ABCC1: variants seen among roughly 807,000 people sequenced by gnomAD.
ABCC1 encodes multidrug resistance-associated protein 1.
A neutral mutation model predicts 172.9 loss-of-function variants in ABCC1; 83 were observed. The ratio of observed to expected loss-of-function variants is 0.48; its 90% CI spans 0.40 to 0.58. The LOEUF is 0.58. Among genes scored for constraint, ABCC1 ranks in the 20% least tolerant of loss-of-function variants. ABCC1 has a pLI of 0.00. For synonymous variants in ABCC1, 937 were observed against 825.2 expected (o/e 1.14, Z -2.32); for missense variants, 1,817 against 2,002.7 (o/e 0.91, Z 1.77).
chr16:16,040,189 G>A (rs1257113774), intron 7 of ABCC1, among the ~76,000 whole-genome samples: 2 of 151,916 alleles, frequency 1.3e-5, no homozygotes, highest in Non-Finnish European at 1.5e-5. Context: ...TGGAAATTCC[G>A]GGCTCAAGCA....
intron 23 of ABCC1, among the ~76,000 whole-genome samples, chr16:16,120,060 ACT>A (rs2045082915): frequency 6.6e-6 from 1 of 151,672 alleles, no homozygotes; most frequent in African/African-American, 2.4e-5. Flanking sequence ...GCCCCAGAAG[ACT>A]CTCCATCTGT....
chr16:16,023,769 G>C (rs908420317), intron 5 of ABCC1, among the ~76,000 whole-genome samples: 6 of 152,192 alleles, frequency 3.9e-5, no homozygotes, highest in African/African-American at 1.4e-4. Flanking sequence ...CTAGCATCCA[G>C]GGAGGAGAGG....
chr16:15,952,200 G>A (rs1432672553), intron 1 of ABCC1, among the ~76,000 whole-genome samples: 1 of 152,206 alleles, frequency 6.6e-6, no homozygotes, highest in African/African-American at 2.4e-5. Context: ...CTCAGCTTGT[G>A]CCCTGCACGG....
chr16:16,094,329 G>T, intron 19 of ABCC1: 1 of 260,810 alleles, frequency 3.8e-6, no homozygotes, highest in Non-Finnish European at 7.8e-6. Context: ...CAGAAATTCA[G>T]TGCTCTTTTT....
chr16:16,018,194 A>G (rs1050305369), intron 5 of ABCC1, among the ~76,000 whole-genome samples: 4 of 152,136 alleles, frequency 2.6e-5, no homozygotes, highest in African/African-American at 9.7e-5. Flanking sequence ...GTGGGTGACG[A>G]AAGGGCTTGG....
At chr16:16,140,247 C>G (rs923686309) in intron 30 of ABCC1, among the ~76,000 whole-genome samples, 1 of 152,210 alleles carries the variant, frequency 6.6e-6, no homozygotes, top group Non-Finnish European at 1.5e-5. Flanking sequence ...GGGGCTGGAT[C>G]TTAGAGCACC....
At chr16:15,984,685 C>G (rs2046704647) in intron 1 of ABCC1, among the ~76,000 whole-genome samples, 2 of 152,062 alleles carry the variant, frequency 1.3e-5, no homozygotes, top group African/African-American at 2.4e-5. Context: ...ACCTCGTGAT[C>G]TGCCCACCTT....
In ABCC1 at chr16:16,134,616, T is replaced by C. The variant is rs1012041120; in HGVS notation, c.4125+108T>C. The C allele has an allele frequency of 5.2e-5, 50 of 955,368 alleles. No individual in the cohort carries two copies. The Admixed American group carries it at 9.1e-4, about 17-fold the overall frequency. The allele number at this position is 955,368 out of a possible 1,614,324, so 59.2% of individuals were successfully genotyped here. ...GGGGCAAACATACATTTGGCCCTAC[T>C]TCATCGTTCTTTTTTTTTTTTTTTT... is the stretch of plus-strand genomic sequence containing the variant. On this transcript the variant is annotated intron_variant, in intron 28 of 30. Transcript: ENST00000399410.
At chr16:16,132,063 T>TG in intron 27 of ABCC1, 128 bp downstream of exon 27, 6 of 1,210,604 alleles carry the variant, frequency 5.0e-6, no homozygotes, top group African/African-American at 3.1e-5. Flanking sequence ...AATGGCTTTT[T>TG]GGGGGGCTGG....
chr16:16,011,524 G>A (rs1277498107), intron 3 of ABCC1, among the ~76,000 whole-genome samples: 2 of 152,120 alleles, frequency 1.3e-5, no homozygotes, highest in African/African-American at 4.8e-5. Context: ...CTGTTGCCCA[G>A]GCTGGACTTC....
At chr16:16,036,398 G>A (rs2048756441) in intron 6 of ABCC1, 74 bp from the exon 7 acceptor site, 2 of 1,435,582 alleles carry the variant, frequency 1.4e-6, no homozygotes, top group Non-Finnish European at 1.9e-6. Context: ...GGCGTGTGGA[G>A]TGAGTGAGCC....
In ABCC1 at chr16:16,014,042, A is replaced by G. The variant is rs1034598503; in HGVS notation, c.352-449A>G. ...GTTTTATTGGCATGAAGGCATGTCC[A>G]TTCATTAACATCTTGTCTATGGCCA... On this transcript the variant is annotated intron_variant, in intron 3 of 30. Transcript: ENST00000399410. Among the ~76,000 whole-genome samples the G allele has an allele frequency of 1.1e-4, 16 of 152,188 alleles. No homozygotes were observed. The East Asian group carries it at 1.5e-3, about 15-fold the overall frequency.
intron 17 of ABCC1, among the ~76,000 whole-genome samples, chr16:16,085,522 A>G (rs148984614): frequency 0.018 from 2,768 of 152,328 alleles, 38 homozygotes; most frequent in Non-Finnish European, 0.028. Flanking sequence ...GCTCACGCCT[A>G]TAATCCCAGC....
chr16:16,068,070 A>G (rs1039816833), intron 12 of ABCC1, 86 bp from the exon 13 acceptor site: 7 of 1,538,784 alleles, frequency 4.5e-6, no homozygotes, highest in Non-Finnish European at 6.2e-6. Flanking sequence ...GGAGGGCCCA[A>G]GCGCGTCTCC....
intron 1 of ABCC1, among the ~76,000 whole-genome samples, chr16:15,975,587 G>A (rs900183867): frequency 2.0e-5 from 3 of 150,484 alleles, no homozygotes; most frequent in African/African-American, 4.9e-5. Context: ...ACTGAGTTTT[G>A]GTCTTGTTGC....
chr16:16,058,900 C>T (rs1340904973), intron 12 of ABCC1, among the ~76,000 whole-genome samples: 2 of 152,166 alleles, frequency 1.3e-5, no homozygotes, highest in East Asian at 3.9e-4. Context: ...AGGAGATCTA[C>T]CCGCCTTGGC....
intron 11 of ABCC1, among the ~76,000 whole-genome samples, chr16:16,053,776 A>G (rs1375088491): frequency 3.5e-5 from 2 of 57,958 alleles, no homozygotes; most frequent in African/African-American, 2.7e-4. Flanking sequence ...CCCTGTCTCA[A>G]AAAAAAAAAA....
intron 7 of ABCC1, among the ~76,000 whole-genome samples, chr16:16,042,542 A>G (rs1482528379): frequency 6.6e-6 from 1 of 152,018 alleles, no homozygotes. Flanking sequence ...GTCTCTACTA[A>G]AAACATAAAA....
In ABCC1 at chr16:16,086,869, C is replaced by T. The variant is rs776187779; in HGVS notation, c.2338C>T (p.Arg780Trp). 5.6e-6 allele frequency: 9 copies of T among 1,614,164 alleles called. No homozygotes were observed. The highest frequency in any genetic ancestry group is 2.2e-5 in the East Asian group (1 of 44,884). The change falls in exon 18 of 31, where the codon CGG (arginine) becomes TGG (tryptophan). Residue 780 changes from arginine to tryptophan, a missense_variant. Physicochemically the swap from Arg to Trp is moderately radical, Grantham distance 101. Coordinates refer to ENST00000399410, the MANE Select transcript of ABCC1 (RefSeq NM_004996.4). ...CCAGAAGCAGCGCGTGAGCCTGGCC[C>T]GGGCCGTGTACTCCAACGCTGACAT... is the stretch of plus-strand genomic sequence containing the variant. ...GGQKQRVSLA[R>W]AVYSNADIYL...
Sources: gnomAD v4.1 joint callset for allele counts (sites outside exome capture counted in the v4.1 genomes callset) on GRCh38, gnomAD v4.1.1 for gene constraint, MANE v1.5 for transcripts, NCBI Gene and HGNC (gene_info 2026-07-23, HGNC 2026-07-21) for gene names.